Variants in DENND2B observed in about 807,000 individuals in gnomAD.
The protein encoded by DENND2B is DENN domain-containing protein 2B.
DENND2B carries 32 observed loss-of-function variants against 116.0 expected under a neutral mutation model. That is an observed-to-expected ratio of 0.28 (90% confidence interval 0.21 to 0.37). The LOEUF (loss-of-function observed/expected upper bound fraction) is 0.37, where lower values mean the gene tolerates loss of function less well. DENND2B is among the 10% of genes least tolerant of loss of function. DENND2B has a pLI of 1.00. For synonymous variants in DENND2B, 588 were observed against 583.9 expected (o/e 1.01, Z -0.10); for missense variants, 1,276 against 1,477.7 (o/e 0.86, Z 2.24).
intron 17 of DENND2B, among the ~76,000 whole-genome samples, chr11:8,697,113 A>T (rs1280159018): frequency 6.6e-6 from 1 of 152,226 alleles, no homozygotes; most frequent in African/African-American, 2.4e-5. Flanking sequence ...CTAGCCTACG[A>T]GCTGCAGAAG....
chr11:8,854,468 T>C (rs2063126950), intron 3 of DENND2B, among the ~76,000 whole-genome samples: 3 of 152,052 alleles, frequency 2.0e-5, no homozygotes, highest in East Asian at 2.0e-4. Flanking sequence ...TCCCAAAGTG[T>C]TGAGATTACA....
intron 16 of DENND2B, 79 bp from the exon 17 acceptor site, chr11:8,697,715 G>T (rs75105504): frequency 3.3e-6 from 3 of 905,438 alleles, no homozygotes; most frequent in Non-Finnish European, 5.5e-6. Context: ...TTAGAAGAGC[G>T]TGAGTAGATA....
intron 2 of DENND2B, among the ~76,000 whole-genome samples, chr11:8,879,256 C>G (rs900806301): frequency 7.9e-5 from 12 of 152,204 alleles, no homozygotes; most frequent in African/African-American, 2.9e-4. Flanking sequence ...CCTCTCTTCT[C>G]TGCCACATAA....
chr11:8,739,154 G>C, intron 2 of DENND2B, among the ~76,000 whole-genome samples: 1 of 152,240 alleles, frequency 6.6e-6, no homozygotes, highest in East Asian at 1.9e-4. Flanking sequence ...TAGGCCTCTT[G>C]TATGCCTGCT....
At chr11:8,865,497 G>A (rs1019523262) in intron 2 of DENND2B, among the ~76,000 whole-genome samples, 1 of 152,066 alleles carries the variant, frequency 6.6e-6, no homozygotes, top group Non-Finnish European at 1.5e-5. Flanking sequence ...AACAGAGAAA[G>A]CTCAGCTTGT....
chr11:8,904,833 TAATA>T lies in DENND2B; in HGVS notation c.-256+5984_-256+5987del, dbSNP rs149563029. 7.3e-3 allele frequency among the ~76,000 whole-genome samples: 1,119 copies of T among 152,246 alleles called. 9 individuals are homozygous for T. Among genetic ancestry groups the T allele is most frequent in the Non-Finnish European group, 0.011 (764 of 68,000 alleles). ...TCATTCACAACAGCATAAAAATACT[TAATA>T]AATTTGTTAAAAGAAGTGCAATATG... is the stretch of plus-strand genomic sequence containing the variant. On this transcript the variant is annotated intron_variant, in intron 1 of 22. Coordinates refer to the DENND2B transcript ENST00000534127.
In DENND2B at chr11:8,902,903, A is replaced by G. The variant is rs186005787; in HGVS notation, c.-256+7918T>C. 7.2e-5 allele frequency among the ~76,000 whole-genome samples: 11 copies of G among 152,312 alleles called. No individual in the cohort carries two copies. The East Asian group carries it at 2.1e-3, about 30-fold the overall frequency. Reference sequence around the variant, plus strand: ...CATTATTATCGAGATGGCTGAATTTACATTTGATCACAGTGGTGCAATCTC... The same window carrying G: ...CATTATTATCGAGATGGCTGAATTTGCATTTGATCACAGTGGTGCAATCTC... On this transcript the variant is annotated intron_variant, in intron 1 of 22. Transcript: ENST00000534127.
rs181606447 is a variant in DENND2B at position 8,707,406 on chromosome 11, T to C, written c.2431-181A>G. 91 of 798,528 alleles carry C rather than the reference T, an allele frequency of 1.1e-4. No homozygotes were observed. The African/African-American group carries it at 1.3e-3, about 11-fold the overall frequency. 49.5% of individuals were successfully genotyped at this position (798,528 alleles called of 1,614,324 possible). Reference sequence around the variant, plus strand: ...CCCGTTTTCCTTGGCACTCAGTGACTCCTCTGTTCCCTAACTGGCCTTGCT... The same window carrying C: ...CCCGTTTTCCTTGGCACTCAGTGACCCCTCTGTTCCCTAACTGGCCTTGCT... On this transcript the variant is annotated intron_variant, in intron 12 of 19. Transcript: ENST00000313726. This position sits in a 1 kb window ranked among gnomAD's most constrained non-coding sequence, Gnocchi z 4.8.
intron 4 of DENND2B, among the ~76,000 whole-genome samples, chr11:8,818,396 A>G (rs1274381819): frequency 1.3e-5 from 2 of 151,932 alleles, no homozygotes; most frequent in Non-Finnish European, 2.9e-5. Flanking sequence ...AGGGAAAGGG[A>G]AGAGGTAGGG....
chr11:8,788,781 T>C (rs1413953328), intron 1 of DENND2B, among the ~76,000 whole-genome samples: 1 of 152,242 alleles, frequency 6.6e-6, no homozygotes, highest in Non-Finnish European at 1.5e-5. Flanking sequence ...TGCCCTCTAC[T>C]GTCTGACCAC....
At chr11:8,815,772 G>C (rs148368401) in intron 4 of DENND2B, among the ~76,000 whole-genome samples, 1,583 of 152,242 alleles carry the variant, frequency 0.01, 23 homozygotes, top group African/African-American at 0.035. Flanking sequence ...CCACAGACCT[G>C]AGCTCCTCGA....
chr11:8,719,160 G>A lies in DENND2B; in HGVS notation c.1478-1268C>T, dbSNP rs957936270. The A allele has an allele frequency of 1.9e-4, 188 of 985,550 alleles. No homozygotes were observed. The Admixed American group carries it at 2.6e-3, about 14-fold the overall frequency. The allele number at this position is 985,550 out of a possible 1,614,324, so 61.1% of individuals were successfully genotyped here. On this transcript the variant is annotated intron_variant, in intron 4 of 19. Coordinates refer to ENST00000313726, the MANE Select transcript of DENND2B (RefSeq NM_213618.2). ...CAGGCAGAAGAAGGAGCTGGAGGAC[G>A]AGGAACAAAGGCTGCTGAGAGTGAA... is the stretch of plus-strand genomic sequence containing the variant.
intron 4 of DENND2B, among the ~76,000 whole-genome samples, chr11:8,838,618 A>G (rs1356641308): frequency 6.6e-6 from 1 of 152,248 alleles, no homozygotes; most frequent in Non-Finnish European, 1.5e-5. Context: ...GGGAAATCGA[A>G]GAGACCACTG....
chr11:8,894,217 C>A lies in DENND2B; in HGVS notation c.-255-13108G>T, dbSNP rs1210617169. Among the ~76,000 whole-genome samples, 4 of 152,264 alleles carry A rather than the reference C, an allele frequency of 2.6e-5. No individual in the cohort carries two copies. The South Asian group carries it at 6.2e-4, about 24-fold the overall frequency. ...CATATGTAGAAAGCTGAAACTGGAT[C>A]CCTTCCTTACACCTTATACAAAAAT... On this transcript the variant is annotated intron_variant, in intron 1 of 22. Transcript: ENST00000534127.
chr11:8,855,003 G>GGCATAGTGGCCC lies in DENND2B; in HGVS notation c.-156+2328_-156+2339dup, dbSNP rs1216257421. ...AAAATTTTTTTGAAAAAATTAGCCA[G>GGCATAGTGGCCC]GCATAGTGGCCCACATAGTGGTCCT... On this transcript the variant is annotated intron_variant, in intron 3 of 6. Transcript: ENST00000524757. Among the ~76,000 whole-genome samples, 352 of 151,636 alleles carry GGCATAGTGGCCC rather than the reference G, an allele frequency of 2.3e-3. 5 individuals are homozygous for GGCATAGTGGCCC. Among genetic ancestry groups the GGCATAGTGGCCC allele is most frequent in the Middle Eastern group, 0.014 (4 of 294 alleles).
At chr11:8,699,069 T>C in intron 15 of DENND2B, 95 bp from the exon 16 acceptor site, 1 of 1,560,518 alleles carries the variant, frequency 6.4e-7, no homozygotes, top group Non-Finnish European at 8.7e-7. Flanking sequence ...CAGGGTCAGC[T>C]AACAGGAAGT....
intron 4 of DENND2B, among the ~76,000 whole-genome samples, chr11:8,723,785 C>T (rs2046598548): frequency 6.6e-6 from 1 of 152,212 alleles, no homozygotes; most frequent in Non-Finnish European, 1.5e-5. Context: ...GGCCTCCCTC[C>T]CCAAACTCTT....
chr11:8,842,542 A>G (rs979283849), intron 3 of DENND2B, among the ~76,000 whole-genome samples: 1 of 152,212 alleles, frequency 6.6e-6, no homozygotes, highest in Non-Finnish European at 1.5e-5. Flanking sequence ...TCTGTGTGGT[A>G]TCGACTCGAC....
chr11:8,893,352 C>G lies in DENND2B; in HGVS notation c.-255-12243G>C, dbSNP rs551435184. ...AAAACCGGCACAAGACAGGGATGCCCTCTCTCACCACTCCTATTCAACATA... is the reference window on the plus strand; with the variant it reads ...AAAACCGGCACAAGACAGGGATGCCGTCTCTCACCACTCCTATTCAACATA... On this transcript the variant is annotated intron_variant, in intron 1 of 22. Coordinates refer to the DENND2B transcript ENST00000534127. 6.8e-4 allele frequency among the ~76,000 whole-genome samples: 103 copies of G among 152,252 alleles called. 1 individual carries two copies. Among genetic ancestry groups the G allele is most frequent in the African/African-American group, 2.4e-3 (99 of 41,550 alleles).
Sources: gnomAD v4.1 joint callset for allele counts (sites outside exome capture counted in the v4.1 genomes callset) on GRCh38, gnomAD v4.1.1 for gene constraint, Gnocchi (gnomAD v3.1) non-coding constraint, MANE v1.5 for transcripts, NCBI Gene and HGNC (gene_info 2026-07-23, HGNC 2026-07-21) for gene names.